The following PKIA variants were observed in gnomAD, a reference collection of about 807,000 sequenced individuals.
PKIA encodes cAMP-dependent protein kinase inhibitor alpha.
Under a neutral mutation model 7.6 loss-of-function variants are expected in PKIA, and 4 were observed. That is an observed-to-expected ratio of 0.52 (90% confidence interval 0.26 to 1.20). The LOEUF is 1.20. Among genes scored for constraint, PKIA ranks in the 50% most tolerant of loss-of-function variants. The probability of loss-of-function intolerance (pLI) is 0.13; values close to 1 mark genes in which losing one functional copy is unlikely to be tolerated. For missense variants in PKIA, 73 were observed against 86.2 expected, an observed-to-expected ratio of 0.85 and a Z score of 0.61; for synonymous variants, 21 against 30.7, an observed-to-expected ratio of 0.68 and a Z score of 1.04.
intron 1 of PKIA, among the ~76,000 whole-genome samples, chr8:78,530,124 A>C (rs1167709102): frequency 6.6e-6 from 1 of 152,068 alleles, no homozygotes; most frequent in African/African-American, 2.4e-5. Flanking sequence ...TTAAATTATC[A>C]CATAATTTTC....
At chr8:78,593,329 G>GT (rs1808148679) in intron 2 of PKIA, among the ~76,000 whole-genome samples, 2 of 152,240 alleles carry the variant, frequency 1.3e-5, no homozygotes, top group South Asian at 4.1e-4. Context: ...CACCATGTTG[G>GT]TCAGGGTGGT....
At chr8:78,586,547 A>G (rs1041080718) in intron 2 of PKIA, among the ~76,000 whole-genome samples, 8 of 152,204 alleles carry the variant, frequency 5.3e-5, no homozygotes, top group African/African-American at 1.9e-4. Context: ...GAGATGGAAT[A>G]GGAAGTGTTT....
intron 2 of PKIA, among the ~76,000 whole-genome samples, chr8:78,581,257 G>A (rs370664203): frequency 9.4e-4 from 143 of 152,028 alleles, no homozygotes; most frequent in Non-Finnish European, 1.5e-3. Context: ...GGCAAATCTC[G>A]AACAATCTGA....
chr8:78,564,988 T>A (rs1384829951), intron 1 of PKIA, among the ~76,000 whole-genome samples: 1 of 151,916 alleles, frequency 6.6e-6, no homozygotes, highest in African/African-American at 2.4e-5. Context: ...TTAGTATGGT[T>A]CTTTTTTATA....
intron 1 of PKIA, among the ~76,000 whole-genome samples, chr8:78,570,558 T>C (rs1486768523): frequency 6.6e-6 from 1 of 152,124 alleles, no homozygotes; most frequent in Non-Finnish European, 1.5e-5. Flanking sequence ...AACAAACAAA[T>C]ATCTGATCAT....
chr8:78,578,642 G>C (rs1379222109), intron 2 of PKIA, among the ~76,000 whole-genome samples: 1 of 151,952 alleles, frequency 6.6e-6, no homozygotes, highest in Non-Finnish European at 1.5e-5. Flanking sequence ...CAACATTGAT[G>C]CTTTGTTTGA....
intron 2 of PKIA, among the ~76,000 whole-genome samples, chr8:78,594,252 A>G (rs1488159201): frequency 6.6e-6 from 1 of 152,104 alleles, no homozygotes; most frequent in African/African-American, 2.4e-5. Context: ...TTGGGGAAAA[A>G]CTGTTACGGG....
intron 2 of PKIA, among the ~76,000 whole-genome samples, chr8:78,576,970 G>A (rs1362401541): frequency 6.6e-6 from 1 of 151,904 alleles, no homozygotes; most frequent in Non-Finnish European, 1.5e-5. Context: ...AGAAAATGTG[G>A]TACATATACA....
rs1809405649 is a variant in PKIA, at chr8:78,521,023, AG to A, written c.-157+4556del. ...AGTGCTAGTGAAAATAGTGACTCAA[AG>A]AACCTTGATTCACAAAAAAGGCATG... is the stretch of plus-strand genomic sequence containing the variant. On this transcript the variant is annotated intron_variant, in intron 1 of 3. Coordinates refer to ENST00000396418, the MANE Select transcript of PKIA (RefSeq NM_006823.4). Among the ~76,000 whole-genome samples the A allele has an allele frequency of 1.3e-5, 2 of 152,150 alleles. 1 individual carries two copies. Among genetic ancestry groups the A allele is most frequent in the Non-Finnish European group, 2.9e-5 (2 of 67,992 alleles).
chr8:78,602,342 C>G lies in PKIA; in HGVS notation c.*521C>G, dbSNP rs1808367658. The stretch of plus-strand genomic sequence containing the variant: ...TATTGTACAATATATATGCTCAGCA[C>G]TGCCCCCTTCTCTGATTGCTTATGA... On this transcript the variant is annotated 3_prime_UTR_variant, in exon 4 of 4. Coordinates refer to ENST00000396418, the MANE Select transcript of PKIA (RefSeq NM_006823.4). The G allele has an allele frequency of 6.5e-6, 1 of 152,718 alleles. No homozygotes were observed. Among genetic ancestry groups the G allele is most frequent in the African/African-American group, 2.4e-5 (1 of 41,410 alleles). 9.5% of individuals were successfully genotyped at this position (152,718 alleles called of 1,614,324 possible). A position where few individuals can be genotyped will look rare whatever the true frequency, so the allele number is the denominator to read the frequency against.
chr8:78,520,091 G>C (rs1248633886), intron 1 of PKIA, among the ~76,000 whole-genome samples: 1 of 152,126 alleles, frequency 6.6e-6, no homozygotes, highest in Non-Finnish European at 1.5e-5. Flanking sequence ...ATGGTGTCTA[G>C]CTACATATAT....
At chr8:78,558,481 T>C (rs568278414) in intron 1 of PKIA, 271 of 157,940 alleles carry the variant, frequency 1.7e-3, no homozygotes, top group South Asian at 3.4e-3. Flanking sequence ...AGCACTCCTT[T>C]CATGGCAGCG....
chr8:78,525,914 T>C (rs1285205300), intron 1 of PKIA, among the ~76,000 whole-genome samples: 2 of 151,560 alleles, frequency 1.3e-5, no homozygotes, highest in Non-Finnish European at 3.0e-5. Flanking sequence ...GTGTGATTTA[T>C]ACGTTACTCA....
chr8:78,558,691 G>C (rs1192937598), intron 1 of PKIA, among the ~76,000 whole-genome samples: 2 of 151,186 alleles, frequency 1.3e-5, no homozygotes, highest in Non-Finnish European at 2.9e-5. Flanking sequence ...TTGAGATTTG[G>C]TGGGGACACA....
chr8:78,548,117 A>G (rs750099887), intron 1 of PKIA, among the ~76,000 whole-genome samples: 14 of 152,158 alleles, frequency 9.2e-5, no homozygotes, highest in Non-Finnish European at 1.9e-4. Context: ...ATATCTTAAA[A>G]GGGATTAAAC....
chr8:78,601,655 A>G (rs1467907317), intron 3 of PKIA, 87 bp from the exon 4 acceptor site: 22 of 977,838 alleles, frequency 2.2e-5, no homozygotes, highest in Non-Finnish European at 3.2e-5. Context: ...GTATTTCTGA[A>G]GTTACCAATA....
At chr8:78,585,068 G>T (rs1399778925) in intron 2 of PKIA, among the ~76,000 whole-genome samples, 2 of 151,810 alleles carry the variant, frequency 1.3e-5, no homozygotes, top group African/African-American at 4.8e-5. Flanking sequence ...TTGTCTCTTG[G>T]CCAAAATAAA....
chr8:78,546,280 G>C (rs771743609), intron 1 of PKIA, among the ~76,000 whole-genome samples: 6 of 152,136 alleles, frequency 3.9e-5, no homozygotes, highest in Non-Finnish European at 8.8e-5. Context: ...AGACCTTTCG[G>C]TATCTTGCAC....
At chr8:78,566,152 T>C (rs1470189224) in intron 1 of PKIA, among the ~76,000 whole-genome samples, 1 of 152,026 alleles carries the variant, frequency 6.6e-6, no homozygotes. Flanking sequence ...TAAAAATGTA[T>C]TGAGTAAGTT....
Sources: gnomAD v4.1 joint callset for allele counts (sites outside exome capture counted in the v4.1 genomes callset) on GRCh38, gnomAD v4.1.1 for gene constraint, MANE v1.5 for transcripts, NCBI Gene and HGNC (gene_info 2026-07-23, HGNC 2026-07-21) for gene names.